PKIG: variants seen among roughly 807,000 people sequenced by gnomAD.
PKIG encodes the protein cAMP-dependent protein kinase inhibitor gamma, also known as protein kinase (cAMP-dependent, catalytic) inhibitor gamma.
In PKIG, 1 loss-of-function variant was observed where a neutral mutation model predicts 6.8. That is an observed-to-expected ratio of 0.15 (90% CI 0.05 to 0.69). The LOEUF is 0.69. PKIG is among the 30% of genes least tolerant of loss of function. PKIG has a pLI of 0.82. For synonymous variants in PKIG, 39 were observed against 43.0 expected (o/e 0.91, Z 0.36); for missense variants, 77 against 104.0 (o/e 0.74, Z 1.13).
At chr20:44,541,326 C>T (rs1273517173) in intron 1 of PKIG, among the ~76,000 whole-genome samples, 2 of 152,082 alleles carry the variant, frequency 1.3e-5, no homozygotes, top group African/African-American at 4.8e-5. Flanking sequence ...CTCATTCTGT[C>T]ACCCAGGCTG....
At chr20:44,590,007 A>C (rs986199655) in intron 2 of PKIG, 141 bp downstream of exon 2, 1 of 152,374 alleles carries the variant, frequency 6.6e-6, no homozygotes, top group Non-Finnish European at 1.5e-5. Flanking sequence ...AAGAAAAGGC[A>C]GGATGGCTCT....
chr20:44,552,634 C>T (rs543374194), intron 1 of PKIG, among the ~76,000 whole-genome samples: 10 of 152,204 alleles, frequency 6.6e-5, no homozygotes, highest in African/African-American at 2.4e-4. Context: ...CTAACCCAAC[C>T]CCTGTGCGCC....
At chr20:44,573,136 C>T (rs2064867764) in intron 1 of PKIG, among the ~76,000 whole-genome samples, 1 of 152,256 alleles carries the variant, frequency 6.6e-6, no homozygotes, top group African/African-American at 2.4e-5. Flanking sequence ...GTGCCAGCAA[C>T]TCATCTGCTC....
At chr20:44,551,741 TTAAAA>T (rs1397720169) in intron 1 of PKIG, among the ~76,000 whole-genome samples, 1 of 152,194 alleles carries the variant, frequency 6.6e-6, no homozygotes, top group Non-Finnish European at 1.5e-5. Context: ...ATAGGTTAAA[TTAAAA>T]TAAAATGTGC....
At chr20:44,548,881 C>T (rs1166177227) in intron 1 of PKIG, among the ~76,000 whole-genome samples, 2 of 143,846 alleles carry the variant, frequency 1.4e-5, no homozygotes, top group South Asian at 4.5e-4. Context: ...CACACACACA[C>T]ACACACACAC....
intron 1 of PKIG, among the ~76,000 whole-genome samples, chr20:44,562,512 G>A (rs6103774): frequency 6.6e-6 from 1 of 150,870 alleles, no homozygotes; most frequent in South Asian, 2.1e-4. Context: ...TGAGGTGGGA[G>A]GATGGCTTGA....
At chr20:44,612,183 C>G (rs1754169142) in intron 2 of PKIG, among the ~76,000 whole-genome samples, 1 of 152,154 alleles carries the variant, frequency 6.6e-6, no homozygotes, top group Non-Finnish European at 1.5e-5. Context: ...TTCTCAGGAA[C>G]CCTCCATACT....
intron 2 of PKIG, among the ~76,000 whole-genome samples, chr20:44,603,639 C>A (rs2065140492): frequency 6.6e-6 from 1 of 152,188 alleles, no homozygotes; most frequent in South Asian, 2.1e-4. Flanking sequence ...CCTTTCTGAG[C>A]CTCCGTTTCC....
At chr20:44,574,064 T>C (rs1232948488) in intron 1 of PKIG, among the ~76,000 whole-genome samples, 1 of 152,216 alleles carries the variant, frequency 6.6e-6, no homozygotes, top group Non-Finnish European at 1.5e-5. Flanking sequence ...TGCTTTTACT[T>C]CTTTTGGTGG....
intron 1 of PKIG, among the ~76,000 whole-genome samples, chr20:44,543,552 C>T (rs536989058): frequency 1.3e-5 from 2 of 152,278 alleles, no homozygotes; most frequent in Non-Finnish European, 2.9e-5. Context: ...ATGACCTCTG[C>T]AACGTGTATA....
At chr20:44,584,417 G>T (rs1361691162) in intron 1 of PKIG, among the ~76,000 whole-genome samples, 2 of 146,048 alleles carry the variant, frequency 1.4e-5, no homozygotes, top group Non-Finnish European at 3.0e-5. Context: ...CCCTCTATTT[G>T]CCCCTCTTTC....
intron 1 of PKIG, among the ~76,000 whole-genome samples, chr20:44,570,749 T>C (rs911465491): frequency 6.6e-6 from 1 of 151,976 alleles, no homozygotes; most frequent in Non-Finnish European, 1.5e-5. Flanking sequence ...AAGAAATGAA[T>C]GAACAACAAA....
At chr20:44,572,697 G>A (rs543557787) in intron 1 of PKIG, among the ~76,000 whole-genome samples, 1 of 152,068 alleles carries the variant, frequency 6.6e-6, no homozygotes, top group Non-Finnish European at 1.5e-5. Flanking sequence ...CAAGTAAACA[G>A]CCTCTTCTCC....
intron 2 of PKIG, among the ~76,000 whole-genome samples, chr20:44,591,849 G>A (rs1040035163): frequency 6.6e-6 from 1 of 152,230 alleles, no homozygotes; most frequent in African/African-American, 2.4e-5. Context: ...GTAAGGATTT[G>A]TTGAAATCCT....
At chr20:44,598,176 T>C (rs1313164185) in intron 2 of PKIG, among the ~76,000 whole-genome samples, 1 of 152,154 alleles carries the variant, frequency 6.6e-6, no homozygotes, top group African/African-American at 2.4e-5. Context: ...TAGGGCCTGT[T>C]TGGGCTTCCT....
intron 1 of PKIG, among the ~76,000 whole-genome samples, chr20:44,533,067 G>A (rs547374383): frequency 1.3e-5 from 2 of 152,130 alleles, no homozygotes; most frequent in Non-Finnish European, 2.9e-5. Context: ...TTTGATCAGA[G>A]GTATAGTTTC....
intron 2 of PKIG, among the ~76,000 whole-genome samples, chr20:44,596,383 A>C (rs1237240423): frequency 1.3e-5 from 2 of 152,236 alleles, no homozygotes; most frequent in Non-Finnish European, 2.9e-5. Flanking sequence ...CAGGAATTAC[A>C]CAGGACTGTT....
chr20:44,558,572 T>TTTTTTC (rs1353381069), intron 1 of PKIG, among the ~76,000 whole-genome samples: 6 of 126,768 alleles, frequency 4.7e-5, no homozygotes, highest in African/African-American at 2.1e-4. Flanking sequence ...TCTTTTTTTC[T>TTTTTTC]TTTTTCTTTC....
At chr20:44,576,720 T>G (rs2064901500) in intron 1 of PKIG, among the ~76,000 whole-genome samples, 1 of 152,124 alleles carries the variant, frequency 6.6e-6, no homozygotes, top group Admixed American at 6.5e-5. Flanking sequence ...CCAAGACTGT[T>G]TAAAGTTAAG....
Sources: gnomAD v4.1 joint callset for allele counts (sites outside exome capture counted in the v4.1 genomes callset) on GRCh38, gnomAD v4.1.1 for gene constraint, MANE v1.5 for transcripts, NCBI Gene and HGNC (gene_info 2026-07-23, HGNC 2026-07-21) for gene names.